The following CNTNAP5 variants were observed in gnomAD, a reference collection of about 807,000 sequenced individuals.
The protein encoded by CNTNAP5 is contactin-associated protein-like 5.
CNTNAP5 carries 72 observed loss-of-function variants against 150.2 expected under a neutral mutation model. That is an observed-to-expected ratio of 0.48 (90% CI 0.40 to 0.58). The LOEUF (loss-of-function observed/expected upper bound fraction) is 0.58, where lower values mean the gene tolerates loss of function less well. Ranked by LOEUF, CNTNAP5 falls within the 20% of genes least tolerant of loss-of-function variation. The pLI is 0.00. For synonymous variants in CNTNAP5, 672 were observed against 619.8 expected (o/e 1.08, Z -1.25); for missense variants, 1,636 against 1,626.2 (o/e 1.01, Z -0.10).
intron 19 of CNTNAP5, among the ~76,000 whole-genome samples, chr2:124,799,101 T>C (rs1365918588): frequency 1.3e-5 from 2 of 152,200 alleles, no homozygotes; most frequent in African/African-American, 2.4e-5. Flanking sequence ...GTCAATATCA[T>C]AGTATCTGAG....
chr2:124,472,460 A>G (rs1466369700), intron 6 of CNTNAP5, among the ~76,000 whole-genome samples: 2 of 151,726 alleles, frequency 1.3e-5, no homozygotes, highest in African/African-American at 2.4e-5. Flanking sequence ...TATTGCTTCA[A>G]AAATTTTGGC....
rs910556652 is a variant in CNTNAP5 at position 124,626,286 on chromosome 2, G to A, written c.1876+16366G>A. 3.9e-5 allele frequency among the ~76,000 whole-genome samples: 6 copies of A among 152,266 alleles called. No homozygotes were observed. In the South Asian group the frequency reaches 1.2e-3, roughly 32 times the overall value. ...TTATACCTGGTAAGAAAGGGGCCGA[G>A]ATGGCAGAAAAGAAACAGCTCTAGC... On this transcript the variant is annotated intron_variant, in intron 12 of 23. Transcript: ENST00000682447.
intron 1 of CNTNAP5, among the ~76,000 whole-genome samples, chr2:124,148,755 AT>A (rs1443876581): frequency 6.6e-6 from 1 of 150,820 alleles, no homozygotes; most frequent in African/African-American, 2.4e-5. Flanking sequence ...CACATATTGT[AT>A]ATATATTTGC....
At chr2:124,544,502 T>C (rs1031802521) in intron 10 of CNTNAP5, among the ~76,000 whole-genome samples, 4 of 152,188 alleles carry the variant, frequency 2.6e-5, no homozygotes, top group African/African-American at 9.7e-5. Flanking sequence ...TGATAAAGCT[T>C]ACAGGAATGT....
intron 12 of CNTNAP5, among the ~76,000 whole-genome samples, chr2:124,633,315 T>G: frequency 6.6e-6 from 1 of 152,260 alleles, no homozygotes; most frequent in Admixed American, 6.5e-5. Context: ...TACAATGGGG[T>G]TATAGGCATT....
intron 3 of CNTNAP5, among the ~76,000 whole-genome samples, chr2:124,265,733 AG>A (rs1687587886): frequency 6.6e-6 from 1 of 152,040 alleles, no homozygotes; most frequent in Non-Finnish European, 1.5e-5. Context: ...TAGGTGACCG[AG>A]GGCCGGCCTG....
chr2:124,568,019 G>A (rs1696072583), intron 11 of CNTNAP5, among the ~76,000 whole-genome samples: 1 of 152,212 alleles, frequency 6.6e-6, no homozygotes, highest in Non-Finnish European at 1.5e-5. Context: ...GTAAATGGTA[G>A]AAGTTGGGCT....
intron 10 of CNTNAP5, among the ~76,000 whole-genome samples, chr2:124,536,156 T>C (rs113682658): frequency 1.3e-5 from 2 of 152,190 alleles, no homozygotes; most frequent in Non-Finnish European, 2.9e-5. Flanking sequence ...ACTCATGGGA[T>C]GGGGCCAAAA....
intron 13 of CNTNAP5, among the ~76,000 whole-genome samples, chr2:124,656,077 G>C (rs73953150): frequency 8.9e-5 from 12 of 135,306 alleles, no homozygotes; most frequent in South Asian, 7.1e-4. Flanking sequence ...AAAAAAAAAA[G>C]AAAAAGTCAC....
intron 5 of CNTNAP5, among the ~76,000 whole-genome samples, chr2:124,435,087 G>A (rs1033107060): frequency 1.3e-5 from 2 of 152,098 alleles, no homozygotes; most frequent in Admixed American, 6.5e-5. Flanking sequence ...TGGTTGCTCC[G>A]GGTTATTTTG....
At chr2:124,897,798 T>G (rs1678336430) in intron 21 of CNTNAP5, among the ~76,000 whole-genome samples, 1 of 151,602 alleles carries the variant, frequency 6.6e-6, no homozygotes, top group South Asian at 2.1e-4. Context: ...AACAATTACT[T>G]GACCTTATGT....
chr2:124,855,379 T>C (rs926245679), intron 19 of CNTNAP5, among the ~76,000 whole-genome samples: 3 of 152,048 alleles, frequency 2.0e-5, no homozygotes, highest in South Asian at 2.1e-4. Context: ...GGTTTCGCCA[T>C]GTTGGTCAGG....
At chr2:124,833,011 A>G (rs1682750481) in intron 19 of CNTNAP5, among the ~76,000 whole-genome samples, 1 of 150,538 alleles carries the variant, frequency 6.6e-6, no homozygotes, top group African/African-American at 2.5e-5. Flanking sequence ...TCAGGATCAC[A>G]CCATCCTCCC....
At chr2:124,407,869 G>C (rs888125740) in intron 3 of CNTNAP5, among the ~76,000 whole-genome samples, 1 of 152,024 alleles carries the variant, frequency 6.6e-6, no homozygotes, top group Non-Finnish European at 1.5e-5. Flanking sequence ...AAAGAACTTC[G>C]GGAGGAGGAG....
intron 17 of CNTNAP5, among the ~76,000 whole-genome samples, chr2:124,777,437 C>T (rs1001010309): frequency 2.0e-5 from 3 of 152,042 alleles, no homozygotes; most frequent in African/African-American, 7.2e-5. Flanking sequence ...TGCAGTGGTA[C>T]GATCTCAGGA....
Position 124,917,336 on chromosome 2 carries a change from A to G in CNTNAP5, c.*3048A>G, listed in dbSNP as rs78622939. Among the ~76,000 whole-genome samples, 599 of 152,238 alleles carry G rather than the reference A, an allele frequency of 3.9e-3. 14 individuals are homozygous for G. The East Asian group carries it at 0.06, about 15-fold the overall frequency. On this transcript the variant is annotated 3_prime_UTR_variant, in exon 24 of 24. Transcript: ENST00000682447. ...TCATTGATATTTTTTTCCACCAAAC[A>G]AATCTATTTATGTAAGCAACAGTAT...
intron 2 of CNTNAP5, among the ~76,000 whole-genome samples, chr2:124,224,744 T>C (rs940057690): frequency 2.0e-5 from 3 of 152,108 alleles, no homozygotes; most frequent in Admixed American, 2.0e-4. Context: ...GTCATTATAT[T>C]AATGCTATTA....
At chr2:124,676,320 C>T (rs1678938749) in intron 13 of CNTNAP5, among the ~76,000 whole-genome samples, 1 of 152,170 alleles carries the variant, frequency 6.6e-6, no homozygotes, top group South Asian at 2.1e-4. Flanking sequence ...ATTTTCTGAG[C>T]ATGTGCACAG....
At chr2:124,193,866 G>C (rs992594836) in intron 1 of CNTNAP5, among the ~76,000 whole-genome samples, 3 of 152,122 alleles carry the variant, frequency 2.0e-5, no homozygotes, top group Non-Finnish European at 4.4e-5. Context: ...GGAGGAGACA[G>C]AGACAGGAAG....
Sources: allele counts gnomAD v4.1 joint callset (sites outside exome capture counted in the v4.1 genomes callset), GRCh38; gene constraint gnomAD v4.1.1; transcripts MANE v1.5; gene names NCBI Gene and HGNC (gene_info 2026-07-23, HGNC 2026-07-21).